Variants in ITGB5 observed in about 807,000 individuals in gnomAD.
ITGB5 encodes the protein integrin beta-5.
Under a neutral mutation model 84.8 loss-of-function variants are expected in ITGB5, and 38 were observed. The observed-to-expected ratio is 0.45, with a 90% confidence interval of 0.35 to 0.59. The LOEUF is 0.59. Ranked by LOEUF, ITGB5 falls within the 20% of genes least tolerant of loss-of-function variation. The pLI is 0.01. For missense variants in ITGB5, 905 were observed against 1,034.5 expected, an observed-to-expected ratio of 0.87 and a Z score of 1.72; for synonymous variants, 393 against 414.4, an observed-to-expected ratio of 0.95 and a Z score of 0.63.
intron 1 of ITGB5, among the ~76,000 whole-genome samples, chr3:124,886,444 G>C (rs1934811938): frequency 6.6e-6 from 1 of 152,170 alleles, no homozygotes; most frequent in Non-Finnish European, 1.5e-5. Flanking sequence ...CGCTGTTCCA[G>C]GAGGCGAGCC....
Position 124,810,356 on chromosome 3 carries a change from G to T in ITGB5, c.1129-1200C>A, listed in dbSNP as rs564663358. Among the ~76,000 whole-genome samples, 10 of 152,264 alleles carry T rather than the reference G, an allele frequency of 6.6e-5. No individual in the cohort carries two copies. In the South Asian group the frequency reaches 1.7e-3, roughly 25 times the overall value. On this transcript the variant is annotated intron_variant, in intron 8 of 14. Coordinates refer to ENST00000296181, the MANE Select transcript of ITGB5 (RefSeq NM_002213.5). The stretch of plus-strand genomic sequence containing the variant: ...AAGAGGGCAGAATAGGGACTTCTGG[G>T]CCTGGCTAATGTTCTGTGTGTTTGG...
At chr3:124,870,317 A>T (rs1004757534) in intron 2 of ITGB5, among the ~76,000 whole-genome samples, 1 of 152,258 alleles carries the variant, frequency 6.6e-6, no homozygotes, top group Non-Finnish European at 1.5e-5. Context: ...GGAGACAAAG[A>T]GGTAGTCATG....
At position 124,859,356 on chromosome 3, in the gene ITGB5, C is replaced by A. The variant is rs200612182; in HGVS notation, c.247G>T (p.Ala83Ser). 58 of 1,614,004 alleles carry A rather than the reference C, an allele frequency of 3.6e-5. No homozygotes were observed. Among genetic ancestry groups the A allele is most frequent in the Non-Finnish European group, 8.5e-6 (10 of 1,180,024 alleles). ...CTCCTCAGGACATGGAAGCTGCTGGCTGGGCTCTCTATCTCACCTCCACAG... is the reference window on the plus strand; with the variant it reads ...CTCCTCAGGACATGGAAGCTGCTGGATGGGCTCTCTATCTCACCTCCACAG... Reference protein sequence around the residue: ...NGCGGEIESPASSFHVLRSLP... With the variant: ...NGCGGEIESPSSSFHVLRSLP... Residue 83 changes from alanine to serine, a missense_variant, in exon 3 of 15, where the codon GCC becomes TCC. Transcript: ENST00000296181.
chr3:124,900,874 A>G (rs1935203031), intron 1 of ITGB5, among the ~76,000 whole-genome samples: 1 of 152,184 alleles, frequency 6.6e-6, no homozygotes. Flanking sequence ...ATTGTACCAA[A>G]CTTTATGCAC....
intron 3 of ITGB5, among the ~76,000 whole-genome samples, chr3:124,851,069 A>G (rs540307209): frequency 6.6e-6 from 1 of 152,294 alleles, no homozygotes; most frequent in South Asian, 2.1e-4. Context: ...ATCTACTTCT[A>G]CTTTTTTACG....
At chr3:124,843,005 G>C (rs757318740) in intron 4 of ITGB5, among the ~76,000 whole-genome samples, 7 of 152,194 alleles carry the variant, frequency 4.6e-5, no homozygotes, top group Non-Finnish European at 8.8e-5. Flanking sequence ...CCCTCTCGGG[G>C]CCGGCGGCAG....
In ITGB5 at chr3:124,818,792, A is replaced by T. The variant is rs539563554; in HGVS notation, c.1038+947T>A. ...AGGAGGATAAAGAACTCAAGAAAAT[A>T]TAAGTGGCATTTTATCAGTGATAAT... On this transcript the variant is annotated intron_variant, in intron 7 of 14. Coordinates refer to ENST00000296181, the MANE Select transcript of ITGB5 (RefSeq NM_002213.5). 1.5e-4 allele frequency among the ~76,000 whole-genome samples: 23 copies of T among 152,306 alleles called. No homozygotes were observed. The East Asian group carries it at 4.2e-3, about 28-fold the overall frequency.
chr3:124,788,261 T>C (rs540921030), intron 10 of ITGB5, among the ~76,000 whole-genome samples: 4 of 152,318 alleles, frequency 2.6e-5, no homozygotes, highest in South Asian at 4.1e-4. Context: ...AGGAGCTTTA[T>C]AGACACTGTC....
At chr3:124,767,411 G>T (rs1449170178) in intron 12 of ITGB5, among the ~76,000 whole-genome samples, 1 of 152,160 alleles carries the variant, frequency 6.6e-6, no homozygotes, top group Non-Finnish European at 1.5e-5. Context: ...GAAGAAAGAA[G>T]AAAAAGGGTA....
At chr3:124,815,371 T>C (rs1015264403) in intron 8 of ITGB5, among the ~76,000 whole-genome samples, 14 of 152,238 alleles carry the variant, frequency 9.2e-5, no homozygotes, top group African/African-American at 3.4e-4. Flanking sequence ...GAGCTCTGAA[T>C]TCAGGAGGTG....
chr3:124,877,596 A>G (rs1038220778), intron 1 of ITGB5, among the ~76,000 whole-genome samples: 3 of 152,134 alleles, frequency 2.0e-5, no homozygotes, highest in African/African-American at 7.2e-5. Context: ...GCCTCTTTTT[A>G]TAGATGAAAA....
rs530035118 is a variant in ITGB5 at position 124,774,622 on chromosome 3, G to A, written c.1694-710C>T. 3.7e-4 allele frequency among the ~76,000 whole-genome samples: 56 copies of A among 152,320 alleles called. 1 individual carries two copies. Among genetic ancestry groups the A allele is most frequent in the African/African-American group, 1.3e-3 (52 of 41,566 alleles). On this transcript the variant is annotated intron_variant, in intron 10 of 14. Coordinates refer to ENST00000296181, the MANE Select transcript of ITGB5 (RefSeq NM_002213.5). ...TTTCAGGCTTCTGACCTCCAGAGCT[G>A]TAAGAAAATAAATCCGTGTTGCTTT...
At chr3:124,765,236 G>A (rs1260065301) in intron 13 of ITGB5, among the ~76,000 whole-genome samples, 1 of 152,202 alleles carries the variant, frequency 6.6e-6, no homozygotes, top group Admixed American at 6.5e-5. Flanking sequence ...TGTAAGGGGT[G>A]ATATCAGATA....
intron 2 of ITGB5, among the ~76,000 whole-genome samples, chr3:124,870,534 C>G (rs560265236): frequency 4.6e-5 from 7 of 152,248 alleles, no homozygotes; most frequent in African/African-American, 1.7e-4. Flanking sequence ...CAAGACCAGC[C>G]TGGCCAAGAC....
intron 2 of ITGB5, among the ~76,000 whole-genome samples, chr3:124,864,070 GAAAA>G (rs2065347028): frequency 8.2e-6 from 1 of 121,494 alleles, no homozygotes; most frequent in Non-Finnish European, 1.8e-5. Context: ...AAGAAAGAAA[GAAAA>G]AATGTCTCAA....
intron 2 of ITGB5, among the ~76,000 whole-genome samples, chr3:124,860,220 C>T (rs562396000): frequency 6.6e-6 from 1 of 152,184 alleles, no homozygotes; most frequent in East Asian, 1.9e-4. Context: ...TTAAAACTTG[C>T]AAACCTAAAT....
chr3:124,865,908 G>A (rs2065382197), intron 2 of ITGB5, among the ~76,000 whole-genome samples: 1 of 152,164 alleles, frequency 6.6e-6, no homozygotes, highest in Admixed American at 6.5e-5. Flanking sequence ...AAGCCACCAT[G>A]CTCACTCACC....
chr3:124,803,552 G>A (rs570777076), intron 9 of ITGB5, among the ~76,000 whole-genome samples: 22 of 152,340 alleles, frequency 1.4e-4, no homozygotes, highest in Admixed American at 5.2e-4. Flanking sequence ...AGTGATGAGC[G>A]AGATGACCTG....
chr3:124,877,078 C>T (rs545018603), intron 1 of ITGB5, among the ~76,000 whole-genome samples: 45 of 151,938 alleles, frequency 3.0e-4, no homozygotes, highest in South Asian at 2.9e-3. Context: ...TCAAGTGATC[C>T]TCCCACCTCA....
Sources: allele counts gnomAD v4.1 joint callset (sites outside exome capture counted in the v4.1 genomes callset), GRCh38; gene constraint gnomAD v4.1.1; transcripts MANE v1.5; gene names NCBI Gene and HGNC (gene_info 2026-07-23, HGNC 2026-07-21).